Variants in RYR3 observed in about 807,000 individuals in gnomAD.
RYR3 encodes the protein ryanodine receptor 3.
RYR3 carries 207 observed loss-of-function variants against 584.3 expected under a neutral mutation model. The ratio of observed to expected loss-of-function variants is 0.35; its 90% CI spans 0.32 to 0.40. RYR3 has a LOEUF of 0.40. Ranked by LOEUF, RYR3 falls within the 10% of genes least tolerant of loss-of-function variation. RYR3 has a pLI of 1.00. For synonymous variants in RYR3, 2,416 were observed against 2,248.5 expected (o/e 1.07, Z -2.11); for missense variants, 5,616 against 6,089.2 (o/e 0.92, Z 2.59).
At position 33,857,835 on chromosome 15, in the gene RYR3, C is replaced by G; in HGVS notation, c.14063C>G (p.Ala4688Gly). Residue 4688 changes from alanine to glycine, a missense_variant, in exon 99 of 104, where the codon GCT becomes GGT. Physicochemically the swap from Ala to Gly is moderately conservative, Grantham distance 60 (BLOSUM62 0). Transcript: ENST00000634891. ...AVVVYLYTVV[A>G]FNFFRKFYNK... is the part of the protein sequence containing the mutation. ...GTGGTTTATCTCTATACTGTGGTGG[C>G]TTTCAACTTCTTCCGCAAGTTCTAC... 1 of 1,614,174 alleles carries G rather than the reference C, an allele frequency of 6.2e-7. No individual in the cohort carries two copies. The highest frequency in any genetic ancestry group is 8.5e-7 in the Non-Finnish European group (1 of 1,180,018).
chr15:33,333,150 C>G (rs1329542458), intron 1 of RYR3, among the ~76,000 whole-genome samples: 1 of 150,764 alleles, frequency 6.6e-6, no homozygotes, highest in Non-Finnish European at 1.5e-5. Flanking sequence ...GAGATGGTAC[C>G]ATTCCTACTG....
At chr15:33,436,956 C>A (rs1311681224) in intron 1 of RYR3, among the ~76,000 whole-genome samples, 1 of 151,832 alleles carries the variant, frequency 6.6e-6, no homozygotes, top group Non-Finnish European at 1.5e-5. Flanking sequence ...ATATCTAATC[C>A]ACTGGAATTG....
chr15:33,554,253 A>G (rs1304609575), intron 10 of RYR3, among the ~76,000 whole-genome samples: 1 of 151,634 alleles, frequency 6.6e-6, no homozygotes, highest in Admixed American at 6.6e-5. Flanking sequence ...TCATACCTTG[A>G]AATAGAGTGA....
intron 38 of RYR3, among the ~76,000 whole-genome samples, chr15:33,681,408 G>A (rs2064601946): frequency 6.6e-6 from 1 of 152,164 alleles, no homozygotes; most frequent in East Asian, 1.9e-4. Context: ...ACTTTCTAGG[G>A]GAGAATATAC....
chr15:33,660,368 G>A lies in RYR3; in HGVS notation c.4567G>A (p.Val1523Met). The A allele has an allele frequency of 1.3e-6, 2 of 1,590,478 alleles. No homozygotes were observed. Among genetic ancestry groups the A allele is most frequent in the South Asian group, 1.2e-5 (1 of 86,710 alleles). ...ERVSERHGWV[V>M]QCLEPLQMMA... is the part of the protein sequence containing the mutation. ...TGTGAGCGAGCGCCACGGCTGGGTG[G>A]TGCAGTGCCTGGAGCCCCTGCAGAT... The change falls in exon 34 of 104, where the codon GTG becomes ATG. Residue 1523 changes from valine to methionine, a missense_variant. This residue lies in a region of RYR3 where 753 missense variants were observed against 741.0 expected (regional missense o/e 1.02). Coordinates refer to ENST00000634891, the MANE Select transcript of RYR3 (RefSeq NM_001036.6).
At chr15:33,489,169 T>G (rs2050752919) in intron 2 of RYR3, among the ~76,000 whole-genome samples, 4 of 152,192 alleles carry the variant, frequency 2.6e-5, no homozygotes, top group African/African-American at 7.2e-5. Context: ...TTTTAGAAAT[T>G]AAGATTTTCA....
At chr15:33,740,717 A>T (rs961297281) in intron 51 of RYR3, among the ~76,000 whole-genome samples, 1 of 152,236 alleles carries the variant, frequency 6.6e-6, no homozygotes, top group Non-Finnish European at 1.5e-5. Context: ...ACTGCTTCAG[A>T]GTGAGCAGGG....
chr15:33,804,141 C>A (rs2152934353), intron 69 of RYR3, among the ~76,000 whole-genome samples: 1 of 152,350 alleles, frequency 6.6e-6, no homozygotes, highest in East Asian at 1.9e-4. Flanking sequence ...TGGTCATTTT[C>A]AGAAAGTGGT....
In RYR3 at chr15:33,854,957, C is replaced by G. The variant is rs200709969; in HGVS notation, c.14007+45C>G. 121 of 1,533,846 alleles carry G rather than the reference C, an allele frequency of 7.9e-5. No individual in the cohort carries two copies. In the Middle Eastern group the frequency reaches 2.3e-3, roughly 29 times the overall value. On this transcript the variant is annotated intron_variant, in intron 98 of 103. Coordinates refer to ENST00000634891, the MANE Select transcript of RYR3 (RefSeq NM_001036.6). Reference sequence around the variant, plus strand: ...AGAACAGAATGGACCTGTATATGCACAGGAAAAAAAGAACAGCAGGTAGTA... The same window carrying G: ...AGAACAGAATGGACCTGTATATGCAGAGGAAAAAAAGAACAGCAGGTAGTA...
At chr15:33,343,532 T>C (rs1972080052) in intron 1 of RYR3, among the ~76,000 whole-genome samples, 3 of 152,204 alleles carry the variant, frequency 2.0e-5, no homozygotes, top group Non-Finnish European at 4.4e-5. Context: ...CTCACTTTAC[T>C]GTCTTTTGAA....
intron 1 of RYR3, among the ~76,000 whole-genome samples, chr15:33,362,854 T>G (rs1595857919): frequency 6.6e-6 from 1 of 152,188 alleles, no homozygotes; most frequent in African/African-American, 2.4e-5. Flanking sequence ...AACATCTTCT[T>G]TCTGTGAAAT....
intron 22 of RYR3, 30 bp downstream of exon 22, chr15:33,630,073 A>G: frequency 8.0e-7 from 1 of 1,256,886 alleles, no homozygotes; most frequent in East Asian, 2.4e-5. Flanking sequence ...GAAGTTTTAC[A>G]AACAATGAAT....
At chr15:33,710,160 G>C (rs2066996209) in intron 43 of RYR3, among the ~76,000 whole-genome samples, 1 of 152,080 alleles carries the variant, frequency 6.6e-6, no homozygotes, top group African/African-American at 2.4e-5. Context: ...AAGAAGAGAG[G>C]TTTAATTGGT....
At chr15:33,748,364 C>T in intron 54 of RYR3, 104 bp downstream of exon 54, 3 of 1,534,460 alleles carry the variant, frequency 2.0e-6, no homozygotes, top group African/African-American at 1.4e-5. Context: ...TAAGATGAAC[C>T]CTGGGGAGTT....
Position 33,838,317 on chromosome 15 carries a change from G to A in RYR3, c.12337G>A (p.Glu4113Lys), listed in dbSNP as rs1267622672. ...ATCCGATTCAGCTGACAGGCCAGAA[G>A]AGGAGGAAGAAGATGAAGATTCTTC... ...SESDSADRPE[E>K]EEEDEDSSYV... is the part of the protein sequence containing the mutation. Residue 4113 changes from glutamate to lysine, a missense_variant, in exon 89 of 104, where the codon GAG (glutamate) becomes AAG (lysine). Physicochemically the swap from Glu to Lys is moderately conservative, Grantham distance 56. This residue lies in a region of RYR3 where 258 missense variants were observed against 297.3 expected (regional missense o/e 0.87). Transcript: ENST00000634891. 3 of 1,613,876 alleles carry A rather than the reference G, an allele frequency of 1.9e-6. No homozygotes were observed. In the African/African-American group the frequency reaches 4.0e-5, roughly 22 times the overall value.
Position 33,600,845 on chromosome 15 carries a change from G to A in RYR3, c.1789-574G>A, listed in dbSNP as rs530544989. 7.0e-4 allele frequency among the ~76,000 whole-genome samples: 106 copies of A among 152,218 alleles called. 1 individual carries two copies. The South Asian group carries it at 0.017, about 24-fold the overall frequency. The stretch of plus-strand genomic sequence containing the variant: ...GACCTTAGCCAAATGGGAATCTTAC[G>A]TGCCTTTTTATTAAGACCTGTAATA... On this transcript the variant is annotated intron_variant, in intron 16 of 103. Transcript: ENST00000634891.
chr15:33,688,257 G>A (rs2065158623), intron 38 of RYR3, among the ~76,000 whole-genome samples: 1 of 152,082 alleles, frequency 6.6e-6, no homozygotes, highest in Non-Finnish European at 1.5e-5. Flanking sequence ...CAAAGGATAT[G>A]AACAGACACT....
At chr15:33,559,870 G>A (rs1048367003) in intron 10 of RYR3, among the ~76,000 whole-genome samples, 1 of 152,168 alleles carries the variant, frequency 6.6e-6, no homozygotes, top group South Asian at 2.1e-4. Flanking sequence ...TGAGGCTGGG[G>A]AATTCCAAAC....
intron 18 of RYR3, 115 bp from the exon 19 acceptor site, chr15:33,613,068 G>A (rs758689522): frequency 6.3e-5 from 43 of 687,908 alleles, no homozygotes; most frequent in Non-Finnish European, 1.0e-4. Flanking sequence ...AGTACCTCCG[G>A]ACCTCTTGAG....
Sources: allele counts gnomAD v4.1 joint callset (sites outside exome capture counted in the v4.1 genomes callset), GRCh38; gene constraint gnomAD v4.1.1; regional missense constraint gnomAD v4.1.1; transcripts MANE v1.5; gene names NCBI Gene and HGNC (gene_info 2026-07-23, HGNC 2026-07-21).